The following C1orf21 variants were observed in gnomAD, a reference collection of about 807,000 sequenced individuals.
C1orf21 encodes the protein chromosome 1 open reading frame 21.
In C1orf21, 3 loss-of-function variants were observed where a neutral mutation model predicts 18.7. The ratio of observed to expected loss-of-function variants is 0.16; its 90% confidence interval spans 0.07 to 0.42. C1orf21 has a LOEUF of 0.42. Ranked by LOEUF, C1orf21 falls within the 10% of genes least tolerant of loss-of-function variation. The probability of loss-of-function intolerance (pLI) is 0.99; values close to 1 mark genes in which losing one functional copy is unlikely to be tolerated. For missense variants in C1orf21, 104 were observed against 143.6 expected (o/e 0.72, Z 1.41); for synonymous variants, 41 against 46.4 (o/e 0.88, Z 0.47).
intron 5 of C1orf21, among the ~76,000 whole-genome samples, chr1:184,605,563 G>A (rs140988439): frequency 2.4e-4 from 36 of 152,276 alleles, no homozygotes; most frequent in African/African-American, 8.7e-4. Flanking sequence ...AGCGTAGCAG[G>A]TATAGAGCAA....
chr1:184,554,690 A>G (rs1400020761), intron 3 of C1orf21, among the ~76,000 whole-genome samples: 1 of 152,244 alleles, frequency 6.6e-6, no homozygotes, highest in Non-Finnish European at 1.5e-5. Flanking sequence ...GGAAATCTGT[A>G]TAACAAATGT....
intron 3 of C1orf21, among the ~76,000 whole-genome samples, chr1:184,543,567 T>C (rs1279441514): frequency 6.6e-6 from 1 of 152,208 alleles, no homozygotes; most frequent in African/African-American, 2.4e-5. Flanking sequence ...GGGAACTTCT[T>C]TCTAGAATTT....
chr1:184,415,335 T>C (rs1389783262), intron 1 of C1orf21, among the ~76,000 whole-genome samples: 1 of 152,226 alleles, frequency 6.6e-6, no homozygotes, highest in South Asian at 2.1e-4. Context: ...ACTCGGTAAG[T>C]GTCTAGACTA....
At chr1:184,558,638 C>T (rs1425507124) in intron 3 of C1orf21, among the ~76,000 whole-genome samples, 1 of 152,222 alleles carries the variant, frequency 6.6e-6, no homozygotes, top group Non-Finnish European at 1.5e-5. Context: ...TCTCGGGTCA[C>T]CAGGCTGCCC....
At chr1:184,606,470 C>T (rs2102005868) in intron 5 of C1orf21, among the ~76,000 whole-genome samples, 1 of 152,214 alleles carries the variant, frequency 6.6e-6, no homozygotes, top group South Asian at 2.1e-4. Flanking sequence ...GTCCCAGTTA[C>T]TTGAGAGGCT....
At chr1:184,545,213 A>G (rs1255477768) in intron 3 of C1orf21, among the ~76,000 whole-genome samples, 2 of 152,172 alleles carry the variant, frequency 1.3e-5, no homozygotes, top group African/African-American at 4.8e-5. Context: ...GAGCTGTGTC[A>G]CCAAGCTAAA....
chr1:184,429,114 A>G (rs1656690978), intron 1 of C1orf21, among the ~76,000 whole-genome samples: 1 of 152,214 alleles, frequency 6.6e-6, no homozygotes, highest in Non-Finnish European at 1.5e-5. Flanking sequence ...AATGAGTGCT[A>G]AACACTTTGA....
intron 3 of C1orf21, among the ~76,000 whole-genome samples, chr1:184,543,309 A>T (rs931735726): frequency 2.6e-5 from 4 of 152,190 alleles, no homozygotes; most frequent in African/African-American, 9.6e-5. Flanking sequence ...ATGATCACCC[A>T]GCCTGGGCAA....
intron 3 of C1orf21, among the ~76,000 whole-genome samples, chr1:184,580,441 A>G (rs981305646): frequency 3.3e-5 from 5 of 152,254 alleles, no homozygotes; most frequent in South Asian, 4.1e-4. Context: ...AGCTGAACCA[A>G]TTGAGATGTC....
chr1:184,428,267 T>A (rs1273708872), intron 1 of C1orf21, among the ~76,000 whole-genome samples: 1 of 152,238 alleles, frequency 6.6e-6, no homozygotes, highest in Non-Finnish European at 1.5e-5. Flanking sequence ...ACATGGTATA[T>A]CATTGTATAG....
At chr1:184,616,330 C>T (rs1261023224) in intron 5 of C1orf21, among the ~76,000 whole-genome samples, 1 of 152,256 alleles carries the variant, frequency 6.6e-6, no homozygotes, top group Non-Finnish European at 1.5e-5. Flanking sequence ...TGTGGGCTTG[C>T]GCTTCTCTGA....
At chr1:184,524,631 G>GT (rs959238403) in intron 3 of C1orf21, among the ~76,000 whole-genome samples, 6 of 151,478 alleles carry the variant, frequency 4.0e-5, no homozygotes, top group Admixed American at 1.3e-4. Flanking sequence ...TAGAACTAGG[G>GT]TTTTTTTTAA....
At chr1:184,390,178 G>A (rs1428155232) in intron 1 of C1orf21, among the ~76,000 whole-genome samples, 1 of 152,222 alleles carries the variant, frequency 6.6e-6, no homozygotes, top group African/African-American at 2.4e-5. Flanking sequence ...AGAGGAGAGA[G>A]CATTGCTTTG....
At chr1:184,402,937 T>C (rs1176156527) in intron 1 of C1orf21, among the ~76,000 whole-genome samples, 1 of 152,224 alleles carries the variant, frequency 6.6e-6, no homozygotes, top group Non-Finnish European at 1.5e-5. Flanking sequence ...TAGAATAATT[T>C]TGAACAGACT....
chr1:184,507,454 T>A, intron 2 of C1orf21, 134 bp from the exon 3 acceptor site: 1 of 669,372 alleles, frequency 1.5e-6, no homozygotes, highest in African/African-American at 1.9e-5. Context: ...TCTTCCAGAT[T>A]GTTCCAAATG....
rs562707794 is a variant in C1orf21 at position 184,389,073 on chromosome 1, TA to T, written c.-125+1706del. ...GTGATAGGACAACGGAGTGTATTTA[TA>T]GGCGTTAAACCAATGCTGGGACTGG... On this transcript the variant is annotated intron_variant, in intron 1 of 5. Coordinates refer to ENST00000235307, the MANE Select transcript of C1orf21 (RefSeq NM_030806.4). 1.1e-3 allele frequency among the ~76,000 whole-genome samples: 162 copies of T among 152,310 alleles called. 1 individual carries two copies. The highest frequency in any genetic ancestry group is 3.8e-3 in the African/African-American group (158 of 41,570).
At chr1:184,423,594 A>G (rs1656582482) in intron 1 of C1orf21, among the ~76,000 whole-genome samples, 1 of 152,180 alleles carries the variant, frequency 6.6e-6, no homozygotes, top group Non-Finnish European at 1.5e-5. Flanking sequence ...TAAATATCAC[A>G]TAGACCTTTA....
intron 1 of C1orf21, among the ~76,000 whole-genome samples, chr1:184,422,915 T>G (rs1049630219): frequency 2.0e-5 from 3 of 152,230 alleles, no homozygotes; most frequent in African/African-American, 4.8e-5. Context: ...ACAGATTGAC[T>G]TGCTGCAGGG....
At chr1:184,579,513 CTT>C (rs1459296856) in intron 3 of C1orf21, among the ~76,000 whole-genome samples, 1 of 94,634 alleles carries the variant, frequency 1.1e-5, no homozygotes, top group African/African-American at 4.3e-5. Context: ...TTTTTTTTTC[CTT>C]TTTTTTTTGT....
Sources: allele counts gnomAD v4.1 joint callset (sites outside exome capture counted in the v4.1 genomes callset), GRCh38; gene constraint gnomAD v4.1.1; transcripts MANE v1.5; gene names NCBI Gene and HGNC (gene_info 2026-07-23, HGNC 2026-07-21).